The following ACSM2A variants were observed in gnomAD, a reference collection of about 807,000 sequenced individuals.
ACSM2A encodes acyl-CoA synthetase medium chain family member 2A.
A neutral mutation model predicts 76.6 loss-of-function variants in ACSM2A; 72 were observed. That is an observed-to-expected ratio of 0.94 (90% CI 0.78 to 1.14). The LOEUF is 1.14. Ranked by LOEUF, ACSM2A falls within the 50% of genes most tolerant of loss-of-function variation. The pLI is 0.00. For synonymous variants in ACSM2A, 249 were observed against 255.9 expected, an observed-to-expected ratio of 0.97 and a Z score of 0.26; for missense variants, 684 against 708.5, an observed-to-expected ratio of 0.97 and a Z score of 0.39.
intron 6 of ACSM2A, among the ~76,000 whole-genome samples, chr16:20,472,566 CT>C (rs1427239219): frequency 6.6e-6 from 1 of 152,048 alleles, no homozygotes; most frequent in Admixed American, 6.6e-5. Flanking sequence ...TCAGACACCC[CT>C]GTAAACACCA....
Position 20,479,453 on chromosome 16 carries a change from C to T in ACSM2A, c.1281+776C>T, listed in dbSNP as rs528469969. Reference sequence around the variant, plus strand: ...ATAAAGTTTTTGGACTCAGTTTGCTCGAGTTCAAAACCCTGCTCTACTATG... The same window carrying T: ...ATAAAGTTTTTGGACTCAGTTTGCTTGAGTTCAAAACCCTGCTCTACTATG... On this transcript the variant is annotated intron_variant, in intron 10 of 13. Transcript: ENST00000573854. Among the ~76,000 whole-genome samples the T allele has an allele frequency of 1.1e-4, 17 of 152,214 alleles. No individual in the cohort carries two copies. In the South Asian group the frequency reaches 2.1e-3, roughly 19 times the overall value.
intron 8 of ACSM2A, 158 bp downstream of exon 8, chr16:20,475,931 G>T (rs556155291): frequency 8.3e-5 from 121 of 1,466,170 alleles, no homozygotes; most frequent in African/African-American, 1.6e-4. Flanking sequence ...TGAAAATTCC[G>T]CACAGAACAA....
chr16:20,464,016 C>T (rs1267579464), intron 2 of ACSM2A, among the ~76,000 whole-genome samples: 4 of 152,120 alleles, frequency 2.6e-5, no homozygotes, highest in Admixed American at 2.6e-4. Context: ...AGGCTATGAA[C>T]ACAATGCAGC....
At chr16:20,468,123 T>C (rs2013126904) in intron 3 of ACSM2A, among the ~76,000 whole-genome samples, 1 of 151,998 alleles carries the variant, frequency 6.6e-6, no homozygotes, top group South Asian at 2.1e-4. Flanking sequence ...AAAGGTGACA[T>C]ACTGAAATTA....
intron 13 of ACSM2A, among the ~76,000 whole-genome samples, chr16:20,484,764 A>C (rs371051068): frequency 2.2e-4 from 33 of 152,140 alleles, no homozygotes; most frequent in Non-Finnish European, 3.8e-4. Context: ...GGGTCTTTAC[A>C]GTCACAGGTG....
chr16:20,478,443 G>A (rs1396128160), intron 9 of ACSM2A, 133 bp from the exon 10 acceptor site: 2 of 1,008,616 alleles, frequency 2.0e-6, no homozygotes, highest in Non-Finnish European at 1.4e-6. Flanking sequence ...GGGTTCCCCT[G>A]GCTTCTGGTT....
intron 8 of ACSM2A, chr16:20,477,099 G>T: frequency 2.4e-6 from 1 of 421,352 alleles, no homozygotes; most frequent in Non-Finnish European, 3.8e-6. Flanking sequence ...TTAAAATGTG[G>T]TTCCCCCTAA....
In ACSM2A at chr16:20,465,412, T is replaced by A; in HGVS notation, c.178-105T>A. The A allele has an allele frequency of 3.4e-6, 5 of 1,453,402 alleles. No homozygotes were observed. The South Asian group carries it at 5.5e-5, about 16-fold the overall frequency. 90.0% of individuals were successfully genotyped at this position (1,453,402 alleles called of 1,614,324 possible). ...TTAAGATTGTATGGAGGTGCTGAGA[T>A]AAAAAACCTTACTAAGCACCAACTT... On this transcript the variant is annotated intron_variant, in intron 2 of 13. Transcript: ENST00000573854.
chr16:20,480,811 T>A lies in ACSM2A; in HGVS notation c.1410-11T>A. 6.2e-7 allele frequency: 1 copy of A among 1,613,814 alleles called. No individual in the cohort carries two copies. Among genetic ancestry groups the A allele is most frequent in the South Asian group, 1.1e-5 (1 of 91,062 alleles). Reference sequence around the variant, plus strand: ...TGTCCAGTGTTCTCTGAAGGACAGGTTCTTCTGCAGGTACCGGATTGGACC... The same window carrying A: ...TGTCCAGTGTTCTCTGAAGGACAGGATCTTCTGCAGGTACCGGATTGGACC... On this transcript the variant is annotated splice_polypyrimidine_tract_variant and intron_variant, in intron 11 of 13. Transcript: ENST00000573854.
In ACSM2A at chr16:20,486,943, G is replaced by A; in HGVS notation, c.*265G>A. ...GGAAATATTAAAACTGCAAGGGAAA[G>A]CAATTGAAAAAGAAATAAAGTAGGG... On this transcript the variant is annotated 3_prime_UTR_variant, in exon 14 of 14. Transcript: ENST00000573854. The A allele has an allele frequency of 3.1e-6, 1 of 322,420 alleles. No homozygotes were observed. The highest frequency in any genetic ancestry group is 5.6e-6 in the Non-Finnish European group (1 of 178,972). 20.0% of individuals were successfully genotyped at this position (322,420 alleles called of 1,614,324 possible). A position where few individuals can be genotyped will look rare whatever the true frequency, so the allele number is the denominator to read the frequency against.
At chr16:20,485,175 G>A (rs2014317291) in intron 13 of ACSM2A, among the ~76,000 whole-genome samples, 1 of 152,202 alleles carries the variant, frequency 6.6e-6, no homozygotes, top group Non-Finnish European at 1.5e-5. Flanking sequence ...TTACAAAGGA[G>A]TTTAGAAATC....
chr16:20,474,427 C>T (rs1644566828), intron 6 of ACSM2A, among the ~76,000 whole-genome samples: 1 of 152,078 alleles, frequency 6.6e-6, no homozygotes, highest in South Asian at 2.1e-4. Context: ...CAATGTGATG[C>T]CCCGACCCTC....
In ACSM2A at chr16:20,486,601, A is replaced by G; in HGVS notation, c.1657A>G (p.Thr553Ala). The G allele has an allele frequency of 1.2e-6, 2 of 1,614,148 alleles. No individual in the cohort carries two copies. The highest frequency in any genetic ancestry group is 1.7e-6 in the Non-Finnish European group (2 of 1,180,006). The part of the protein sequence containing the change: ...KIEFVLNLPK[T>A]VTGKIQRAKL... ...AGAGTTTGTCTTGAACCTGCCCAAG[A>G]CTGTCACAGGGAAAATTCAACGAGC... The change falls in exon 14 of 14, where the codon ACT becomes GCT. Residue 553 changes from threonine to alanine, a missense_variant. Physicochemically the swap from Thr to Ala is moderately conservative, Grantham distance 58. Coordinates refer to ENST00000573854, the MANE Select transcript of ACSM2A (RefSeq NM_001308172.2).
chr16:20,472,993 C>T (rs536712989), intron 6 of ACSM2A, among the ~76,000 whole-genome samples: 1 of 152,142 alleles, frequency 6.6e-6, no homozygotes, highest in African/African-American at 2.4e-5. Flanking sequence ...TAAGTAAGAC[C>T]CACAGACTGC....
At chr16:20,467,599 G>A (rs1245791450) in intron 3 of ACSM2A, among the ~76,000 whole-genome samples, 2 of 152,166 alleles carry the variant, frequency 1.3e-5, no homozygotes, top group Non-Finnish European at 2.9e-5. Context: ...AAGGAGATGC[G>A]AGGGAGAGAG....
chr16:20,467,759 C>A (rs1373551017), intron 3 of ACSM2A, among the ~76,000 whole-genome samples: 1 of 152,024 alleles, frequency 6.6e-6, no homozygotes, highest in East Asian at 1.9e-4. Context: ...ATGTGATGTT[C>A]AAGAAGTGAT....
chr16:20,486,986 G>A lies in ACSM2A; in HGVS notation c.*308G>A, dbSNP rs963463700. 1 of 222,288 alleles carries A rather than the reference G, an allele frequency of 4.5e-6. No homozygotes were observed. Among genetic ancestry groups the A allele is most frequent in the African/African-American group, 2.3e-5 (1 of 43,662 alleles). 13.8% of individuals were successfully genotyped at this position (222,288 alleles called of 1,614,324 possible). ...AAGTAGGGAAAGAAGGAGAGAGGAAGCAAGGGAAGGAGGAAGAAAGGAAAG... is the reference window on the plus strand; with the variant it reads ...AAGTAGGGAAAGAAGGAGAGAGGAAACAAGGGAAGGAGGAAGAAAGGAAAG... On this transcript the variant is annotated 3_prime_UTR_variant, in exon 14 of 14. Coordinates refer to ENST00000573854, the MANE Select transcript of ACSM2A (RefSeq NM_001308172.2).
chr16:20,461,869 C>A (rs992869303), intron 2 of ACSM2A, among the ~76,000 whole-genome samples: 1 of 152,244 alleles, frequency 6.6e-6, no homozygotes, highest in Non-Finnish European at 1.5e-5. Flanking sequence ...TTTCTCAAAT[C>A]TGCCCCCTTG....
At chr16:20,472,276 G>A (rs899801979) in intron 6 of ACSM2A, among the ~76,000 whole-genome samples, 2 of 152,164 alleles carry the variant, frequency 1.3e-5, no homozygotes, top group Non-Finnish European at 1.5e-5. Context: ...TCTGGAGGCT[G>A]TAAGTCTGAG....
Sources: allele counts gnomAD v4.1 joint callset (sites outside exome capture counted in the v4.1 genomes callset), GRCh38; gene constraint gnomAD v4.1.1; transcripts MANE v1.5; gene names NCBI Gene and HGNC (gene_info 2026-07-23, HGNC 2026-07-21).